Variants in ARHGAP10 observed in about 807,000 individuals in gnomAD.
The protein encoded by ARHGAP10 is rho GTPase-activating protein 10.
A neutral mutation model predicts 108.6 loss-of-function variants in ARHGAP10; 87 were observed. That is an observed-to-expected ratio of 0.80 (90% CI 0.67 to 0.96). The LOEUF (loss-of-function observed/expected upper bound fraction) is 0.96, where lower values mean the gene tolerates loss of function less well. ARHGAP10 is among the 40% of genes least tolerant of loss of function. The pLI is 0.00. For synonymous variants in ARHGAP10, 347 were observed against 341.1 expected (o/e 1.02, Z -0.19); for missense variants, 939 against 954.5 (o/e 0.98, Z 0.21).
chr4:147,955,522 T>C, intron 16 of ARHGAP10, 148 bp downstream of exon 16: 1 of 660,024 alleles, frequency 1.5e-6, no homozygotes, highest in Non-Finnish European at 2.6e-6. Context: ...CCTCCCCTCA[T>C]CCTTGGGAGG....
intron 20 of ARHGAP10, among the ~76,000 whole-genome samples, chr4:148,057,036 G>C (rs543976995): frequency 6.6e-6 from 1 of 152,314 alleles, no homozygotes; most frequent in African/African-American, 2.4e-5. Context: ...CCAAGTTTCA[G>C]TTGTGGATGA....
At chr4:147,884,400 A>G (rs962721836) in intron 10 of ARHGAP10, among the ~76,000 whole-genome samples, 4 of 152,156 alleles carry the variant, frequency 2.6e-5, no homozygotes, top group Non-Finnish European at 4.4e-5. Context: ...GTTTTCAAGT[A>G]CTTTATAGGG....
At chr4:147,952,061 C>T (rs1030633674) in intron 15 of ARHGAP10, among the ~76,000 whole-genome samples, 1 of 152,108 alleles carries the variant, frequency 6.6e-6, no homozygotes. Flanking sequence ...AGAATAGATT[C>T]TTCTATGTTG....
chr4:147,885,894 C>T (rs1484023473), intron 10 of ARHGAP10, among the ~76,000 whole-genome samples: 6 of 152,012 alleles, frequency 3.9e-5, no homozygotes, highest in Non-Finnish European at 8.8e-5. Flanking sequence ...ATGTTTAGCT[C>T]CCTAATCCTA....
At chr4:147,762,540 A>T (rs189139044) in intron 1 of ARHGAP10, among the ~76,000 whole-genome samples, 2,308 of 149,988 alleles carry the variant, frequency 0.015, 55 homozygotes, top group African/African-American at 0.045. Context: ...TTATTTATTT[A>T]TTTTTTTTGA....
intron 10 of ARHGAP10, among the ~76,000 whole-genome samples, chr4:147,895,968 G>C (rs1349925211): frequency 6.6e-6 from 1 of 152,152 alleles, no homozygotes; most frequent in Non-Finnish European, 1.5e-5. Flanking sequence ...ATGTTTCTCA[G>C]TGTCTCTTGA....
intron 1 of ARHGAP10, among the ~76,000 whole-genome samples, chr4:147,787,138 G>T (rs1730921645): frequency 6.6e-6 from 1 of 152,174 alleles, no homozygotes; most frequent in Non-Finnish European, 1.5e-5. Flanking sequence ...GAAGCTAGAA[G>T]ATCAGGGTTG....
chr4:148,027,411 G>T (rs1727919442), intron 19 of ARHGAP10, among the ~76,000 whole-genome samples: 1 of 152,178 alleles, frequency 6.6e-6, no homozygotes, highest in Non-Finnish European at 1.5e-5. Context: ...TTAACATTTG[G>T]ATCACGAATG....
At chr4:147,987,735 G>C (rs1157430490) in intron 18 of ARHGAP10, among the ~76,000 whole-genome samples, 2 of 152,224 alleles carry the variant, frequency 1.3e-5, no homozygotes, top group Non-Finnish European at 2.9e-5. Context: ...AGACATCTCT[G>C]TGCTGGGTCA....
intron 18 of ARHGAP10, among the ~76,000 whole-genome samples, chr4:147,992,304 C>A (rs1321545201): frequency 6.6e-6 from 1 of 152,192 alleles, no homozygotes; most frequent in Non-Finnish European, 1.5e-5. Flanking sequence ...TACATCTGGT[C>A]AAACTTCCCC....
In ARHGAP10 at chr4:148,040,334, TTTTTTTG is replaced by T. The variant is rs1241348070; in HGVS notation, c.1868-6539_1868-6533del. ...TTATAGATACTAGGAACCCTACAGG[TTTTTTTG>T]TTTTTTGTTTTTTGTTTTGAGACAG... On this transcript the variant is annotated intron_variant, in intron 19 of 22. Transcript: ENST00000336498. Among the ~76,000 whole-genome samples, 10 of 152,060 alleles carry T rather than the reference TTTTTTTG, an allele frequency of 6.6e-5. No individual in the cohort carries two copies. The East Asian group carries it at 9.7e-4, about 15-fold the overall frequency.
chr4:147,903,035 C>T (rs977860556), intron 10 of ARHGAP10, among the ~76,000 whole-genome samples: 1 of 152,146 alleles, frequency 6.6e-6, no homozygotes, highest in African/African-American at 2.4e-5. Context: ...AGTCACCTCC[C>T]ACCAGGCCCC....
At chr4:147,795,213 G>A (rs1731266722) in intron 1 of ARHGAP10, among the ~76,000 whole-genome samples, 1 of 152,130 alleles carries the variant, frequency 6.6e-6, no homozygotes, top group African/African-American at 2.4e-5. Context: ...CTCCTGCAGC[G>A]CTGGGATTAC....
intron 19 of ARHGAP10, among the ~76,000 whole-genome samples, chr4:148,038,302 G>A (rs1328022919): frequency 6.6e-6 from 1 of 152,164 alleles, no homozygotes; most frequent in East Asian, 1.9e-4. Flanking sequence ...CATAGTATTT[G>A]CCATGTGGTA....
intron 18 of ARHGAP10, among the ~76,000 whole-genome samples, chr4:147,985,188 C>G (rs1739989389): frequency 6.6e-6 from 1 of 151,962 alleles, no homozygotes. Context: ...GTAGCTCTGG[C>G]TGCAGATCCA....
chr4:147,969,345 T>TTTTTTTTTG (rs761497318), intron 18 of ARHGAP10, among the ~76,000 whole-genome samples: 1 of 129,156 alleles, frequency 7.7e-6, no homozygotes, highest in Non-Finnish European at 1.6e-5. Context: ...TTTTTTTTTT[T>TTTTTTTTTG]GCCAGTGGTG....
intron 22 of ARHGAP10, 136 bp downstream of exon 22, chr4:148,064,643 C>CAGCTGCGTTA (rs1729783340): frequency 2.7e-6 from 2 of 753,696 alleles, no homozygotes; most frequent in African/African-American, 3.5e-5. Flanking sequence ...CTGGATTAAG[C>CAGCTGCGTTA]GGCTGCGTTA....
chr4:147,794,890 A>G (rs905699721), intron 1 of ARHGAP10, among the ~76,000 whole-genome samples: 1 of 152,196 alleles, frequency 6.6e-6, no homozygotes, highest in Non-Finnish European at 1.5e-5. Flanking sequence ...CTTCTGATAG[A>G]CATCTAGGTG....
chr4:147,886,513 C>T (rs1735570901), intron 10 of ARHGAP10, among the ~76,000 whole-genome samples: 1 of 152,208 alleles, frequency 6.6e-6, no homozygotes, highest in African/African-American at 2.4e-5. Context: ...TGTTGTTCGT[C>T]GTGCACTCAC....
Sources: gnomAD v4.1 joint callset for allele counts (sites outside exome capture counted in the v4.1 genomes callset) on GRCh38, gnomAD v4.1.1 for gene constraint, MANE v1.5 for transcripts, NCBI Gene and HGNC (gene_info 2026-07-23, HGNC 2026-07-21) for gene names.